The following TTN variants were observed in gnomAD, a reference collection of about 807,000 sequenced individuals.
The protein encoded by TTN is connectin.
A neutral mutation model predicts 3,223.0 loss-of-function variants in TTN; 1,525 were observed. That is an observed-to-expected ratio of 0.47 (90% confidence interval 0.45 to 0.49). The LOEUF (loss-of-function observed/expected upper bound fraction) is 0.49. Ranked by LOEUF, TTN falls within the 20% of genes least tolerant of loss-of-function variation. TTN has a pLI of 0.00. For synonymous variants in TTN, 14,094 were observed against 15,161.0 expected (o/e 0.93, Z 5.17); for missense variants, 40,786 against 43,424.0 (o/e 0.94, Z 5.40).
chr2:178,757,641 C>A lies in TTN; in HGVS notation c.10579G>T (p.Val3527Phe), dbSNP rs372531162. 16 of 1,613,680 alleles carry A rather than the reference C, an allele frequency of 9.9e-6. No homozygotes were observed. In the African/African-American group the frequency reaches 2.1e-4, roughly 22 times the overall value. ...ESTGMALMLI[V>F]DAYSEHAGQY... is the part of the protein sequence containing the mutation. The stretch of plus-strand genomic sequence containing the variant: ...CCAGCATGCTCTGAGTAAGCATCAA[C>A]TATAAGCATTAAAGCCATGCCTGTG... Residue 3527 changes from valine to phenylalanine, a missense_variant, in exon 45 of 363, where the codon GTT becomes TTT. Coordinates refer to ENST00000589042, the MANE Select transcript of TTN (RefSeq NM_001267550.2).
intron 47 of TTN, chr2:178,751,243 A>C (rs747800627): frequency 6.2e-7 from 1 of 1,608,220 alleles, no homozygotes; most frequent in Non-Finnish European, 8.5e-7. Flanking sequence ...TATCTAAAAG[A>C]GATAATTTCT....
Position 178,561,833 on chromosome 2 carries a change from G to A in TTN, c.84299C>T (p.Thr28100Ile), listed in dbSNP as rs779244941. Residue 28100 changes from threonine to isoleucine, a missense_variant, in exon 326 of 363, where the codon ACA becomes ATA. Transcript: ENST00000589042. ...TGCTTGTGAAACTATGTGCCATGTT[G>A]TAGAGGTGGTTTCTTTCTTTTCAAC... The part of the protein sequence containing the change: ...YIVEKKETTS[T>I]TWHIVSQAVA... The A allele has an allele frequency of 1.2e-6, 2 of 1,613,650 alleles. No homozygotes were observed. Among genetic ancestry groups the A allele is most frequent in the South Asian group, 2.2e-5 (2 of 91,070 alleles).
chr2:178,531,809 A>G lies in TTN; in HGVS notation c.104806T>C (p.Phe34936Leu). 1.2e-6 allele frequency: 2 copies of G among 1,613,976 alleles called. No homozygotes were observed. The highest frequency in any genetic ancestry group is 1.3e-5 in the African/African-American group (1 of 75,048). ...ATTCGAGGGGCATGGTCCAGTGTGAAAGGCTGCTGACTCAAAACTTCATAC... is the reference window on the plus strand; with the variant it reads ...ATTCGAGGGGCATGGTCCAGTGTGAGAGGCTGCTGACTCAAAACTTCATAC... Reference protein sequence around the residue: ...RKYEVLSQQPFTLDHAPRITL... With the variant: ...RKYEVLSQQPLTLDHAPRITL... The change falls in exon 358 of 363, where the codon TTC becomes CTC. Residue 34936 changes from phenylalanine to leucine, a missense_variant. By Grantham distance (22) the Phe-to-Leu change is conservative. Coordinates refer to ENST00000589042, the MANE Select transcript of TTN (RefSeq NM_001267550.2).
chr2:178,612,010 T>G (rs746844973), intron 267 of TTN, 47 bp downstream of exon 267: 1 of 1,603,604 alleles, frequency 6.2e-7, no homozygotes, highest in South Asian at 1.1e-5. Context: ...AGTTAAGAAT[T>G]TGCAGCCAAG....
At chr2:178,789,838 T>C in intron 12 of TTN, 140 bp downstream of exon 12, 3 of 1,013,976 alleles carry the variant, frequency 3.0e-6, no homozygotes, top group Non-Finnish European at 4.5e-6. Context: ...TGATAATCAG[T>C]CTCATATTTA....
chr2:178,531,313 G>T lies in TTN; in HGVS notation c.105302C>A (p.Ser35101Tyr), dbSNP rs1689020594. 2.5e-6 allele frequency: 4 copies of T among 1,613,902 alleles called. No individual in the cohort carries two copies. In the South Asian group the frequency reaches 3.3e-5, roughly 13 times the overall value. ...TAATGCAGCACTTTTCATTTCTGCA[G>T]ATGCAGAGTGTTCATATGAGGAGAG... is the stretch of plus-strand genomic sequence containing the variant. ...ESLSSYEHSA[S>Y]AEMKSAALEE... The change falls in exon 358 of 363, where the codon TCT (serine) becomes TAT (tyrosine). Residue 35101 changes from serine (S) to tyrosine (Y), a missense_variant. Ser to Tyr is a moderately radical substitution (Grantham distance 144, BLOSUM62 -2). Transcript: ENST00000589042.
In TTN at chr2:178,727,572, C is replaced by A. The variant is rs2154305867; in HGVS notation, c.19993+13G>T. 2.6e-6 allele frequency: 4 copies of A among 1,545,540 alleles called. No homozygotes were observed. Among genetic ancestry groups the A allele is most frequent in the South Asian group, 2.6e-5 (2 of 77,580 alleles). ...CAGTCAGACAGAAACATAAAGGAATCAAATTTGCACACCTGTCACAAGCAA... is the reference window on the plus strand; with the variant it reads ...CAGTCAGACAGAAACATAAAGGAATAAAATTTGCACACCTGTCACAAGCAA... On this transcript the variant is annotated intron_variant, in intron 68 of 362. Transcript: ENST00000589042.
chr2:178,544,008 T>C lies in TTN; in HGVS notation c.96136A>G (p.Ile32046Val). The C allele has an allele frequency of 6.2e-7, 1 of 1,613,712 alleles. No homozygotes were observed. Among genetic ancestry groups the C allele is most frequent in the Non-Finnish European group, 8.5e-7 (1 of 1,179,708 alleles). ...VSVSGRPPPV[I>V]TWSKQGIDLA... The stretch of plus-strand genomic sequence containing the variant: ...TCAATGCCCTGCTTGCTCCACGTTA[T>C]GACAGGAGGTGGTCTTCCAGATACA... The change falls in exon 346 of 363, where the codon ATA becomes GTA. Residue 32046 changes from isoleucine (I) to valine (V), a missense_variant. Ile to Val is a conservative substitution (Grantham distance 29). Transcript: ENST00000589042.
Position 178,548,963 on chromosome 2 carries a change from G to T in TTN, c.92663C>A (p.Ala30888Glu). ...KTRYTVTDLQ[A>E]GEEYKFRVSA... ...AACTCGGAATTTGTATTCTTCACCT[G>T]CTTGTAGATCAGTGACTGTATATCT... Residue 30888 changes from alanine to glutamate, a missense_variant, in exon 339 of 363, where the codon GCA (alanine) becomes GAA (glutamate). Transcript: ENST00000589042. The surrounding 1 kb of genome is among the most constrained non-coding windows in gnomAD (Gnocchi z 4.3). The T allele has an allele frequency of 6.2e-7, 1 of 1,613,844 alleles. No homozygotes were observed. Among genetic ancestry groups the T allele is most frequent in the African/African-American group, 1.3e-5 (1 of 75,008 alleles).
In TTN at chr2:178,607,656, C is replaced by A. The variant is rs1423968417; in HGVS notation, c.53032G>T (p.Val17678Phe). 1 of 1,612,986 alleles carries A rather than the reference C, an allele frequency of 6.2e-7. No individual in the cohort carries two copies. The highest frequency in any genetic ancestry group is 2.2e-5 in the East Asian group (1 of 44,726). ...GCCATTATTTGTATTCCACCCTTGACAGAAACATCCAGTTCCACAGCTGGA... is the reference window on the plus strand; with the variant it reads ...GCCATTATTTGTATTCCACCCTTGAAAGAAACATCCAGTTCCACAGCTGGA... The part of the protein sequence containing the change: ...EPPAVELDVS[V>F]KGGIQIMAGK... The change falls in exon 277 of 363, where the codon GTC (valine) becomes TTC (phenylalanine). Residue 17678 changes from valine to phenylalanine, a missense_variant. Coordinates refer to ENST00000589042, the MANE Select transcript of TTN (RefSeq NM_001267550.2).
chr2:178,565,821 T>C lies in TTN; in HGVS notation c.80311A>G (p.Thr26771Ala). The part of the protein sequence containing the change: ...NEFGVGVPVE[T>A]VDAVKAAEPP... Reference sequence around the variant, plus strand: ...TCAGCAGCTTTCACGGCATCAACAGTTTCCACTGGAACACCAACTCCAAAT... The same window carrying C: ...TCAGCAGCTTTCACGGCATCAACAGCTTCCACTGGAACACCAACTCCAAAT... Residue 26771 changes from threonine to alanine, a missense_variant, in exon 326 of 363, where the codon ACT becomes GCT. By Grantham distance (58) the Thr-to-Ala change is moderately conservative (BLOSUM62 0). Transcript: ENST00000589042. The C allele has an allele frequency of 6.2e-7, 1 of 1,613,620 alleles. No homozygotes were observed. Among genetic ancestry groups the C allele is most frequent in the African/African-American group, 1.3e-5 (1 of 74,996 alleles).
chr2:178,674,951 G>A (rs1265193764), intron 150 of TTN, 88 bp downstream of exon 150: 3 of 697,248 alleles, frequency 4.3e-6, no homozygotes, highest in Non-Finnish European at 6.6e-6. Context: ...ATTTCCTGGG[G>A]TAAATTTTAC....
In TTN at chr2:178,741,328, C is replaced by G. The variant is rs754991360; in HGVS notation, c.11905G>C (p.Val3969Leu). 13 of 1,613,834 alleles carry G rather than the reference C, an allele frequency of 8.1e-6. No homozygotes were observed. The highest frequency in any genetic ancestry group is 1.1e-5 in the Non-Finnish European group (13 of 1,179,814). The change falls in exon 48 of 363, where the codon GTT becomes CTT. Residue 3969 changes from valine to leucine, a missense_variant. Transcript: ENST00000589042. ...TGCTTGTTTTCTTTGAACCATGTAA[C>G]AGTAGGGGCAGGCTCTCCAACCACT... ...YTVVGEPAPTVTWFKENKQLC... is the reference protein window; with the variant it reads ...YTVVGEPAPTLTWFKENKQLC...
chr2:178,679,508 A>T (rs2068834155), intron 141 of TTN, 91 bp downstream of exon 141: 1 of 1,568,042 alleles, frequency 6.4e-7, no homozygotes, highest in Admixed American at 1.8e-5. Context: ...ACGGACAGTG[A>T]CACACACACA....
intron 350 of TTN, among the ~76,000 whole-genome samples, chr2:178,540,866 C>T (rs1694114589): frequency 6.6e-6 from 1 of 152,082 alleles, no homozygotes; most frequent in African/African-American, 2.4e-5. Flanking sequence ...AAATACTTAA[C>T]ATTTTTTCAC....
intron 47 of TTN, chr2:178,749,497 T>C (rs746076589): frequency 1.2e-6 from 2 of 1,612,890 alleles, no homozygotes; most frequent in Non-Finnish European, 1.7e-6. Context: ...CTGAATATTC[T>C]TTTACATTTG....
At chr2:178,794,655 A>C in intron 7 of TTN, 104 bp from the exon 8 acceptor site, 2 of 1,352,444 alleles carry the variant, frequency 1.5e-6, no homozygotes, top group Non-Finnish European at 2.1e-6. Context: ...AAATACACTC[A>C]TACATAAGCA....
chr2:178,543,363 A>G lies in TTN; in HGVS notation c.96610T>C (p.Leu32204=), dbSNP rs1419384451. The change falls in exon 347 of 363, where the codon TTG becomes CTG. Residue 32204 remains leucine, a synonymous_variant. Coordinates refer to ENST00000589042, the MANE Select transcript of TTN (RefSeq NM_001267550.2). ...SDAVLVSEVP[L]VPAKLEVVDV... ...ACCACTTCTAGCTTTGCAGGCACCA[A>G]AGGCACTTCTGAGACCAGTACTGCA... 1.2e-6 allele frequency: 2 copies of G among 1,613,876 alleles called. No individual in the cohort carries two copies. Among genetic ancestry groups the G allele is most frequent in the Admixed American group, 1.7e-5 (1 of 60,008 alleles).
Position 178,568,786 on chromosome 2 carries a change from A to G in TTN, c.77346T>C (p.Pro25782=), listed in dbSNP as rs781581925. ...CAACTATTGGAACTGCAAGGGACCGAGGATCACTTCTCCCCTTTTCATTTA... is the reference window on the plus strand; with the variant it reads ...CAACTATTGGAACTGCAAGGGACCGGGGATCACTTCTCCCCTTTTCATTTA... The part of the protein sequence containing the change: ...VAVNEKGRSD[P]RSLAVPIVAK... Residue 25782 remains proline, a synonymous_variant, in exon 326 of 363, where the codon CCT becomes CCC. Transcript: ENST00000589042. 1 of 1,613,080 alleles carries G rather than the reference A, an allele frequency of 6.2e-7. No individual in the cohort carries two copies. The highest frequency in any genetic ancestry group is 1.7e-5 in the Admixed American group (1 of 59,956).
Sources: allele counts gnomAD v4.1 joint callset (sites outside exome capture counted in the v4.1 genomes callset), GRCh38; gene constraint gnomAD v4.1.1; non-coding constraint Gnocchi (gnomAD v3.1); transcripts MANE v1.5; gene names NCBI Gene and HGNC (gene_info 2026-07-23, HGNC 2026-07-21).